GLS: variants seen among roughly 807,000 people sequenced by gnomAD.
The protein encoded by GLS is glutaminase.
Under a neutral mutation model 86.7 loss-of-function variants are expected in GLS, and 36 were observed. That is an observed-to-expected ratio of 0.42 (90% CI 0.32 to 0.55). The LOEUF (loss-of-function observed/expected upper bound fraction) is 0.55, where lower values mean the gene tolerates loss of function less well. Among genes scored for constraint, GLS ranks in the 20% least tolerant of loss-of-function variants. The probability of loss-of-function intolerance (pLI) is 0.17; values close to 1 mark genes in which losing one functional copy is unlikely to be tolerated. For synonymous variants in GLS, 317 were observed against 305.9 expected (o/e 1.04, Z -0.38); for missense variants, 528 against 833.4 (o/e 0.63, Z 4.51).
rs575079629 is a variant in GLS at position 190,906,918 on chromosome 2, A to C, written c.979+1751A>C. On this transcript the variant is annotated intron_variant, in intron 6 of 17. Transcript: ENST00000320717. ...AGACTAATAGGGATATGGTAAATAGAGAAATTGTAGTAGTTTTTTTTTTTT... is the reference window on the plus strand; with the variant it reads ...AGACTAATAGGGATATGGTAAATAGCGAAATTGTAGTAGTTTTTTTTTTTT... 5.5e-4 allele frequency among the ~76,000 whole-genome samples: 83 copies of C among 151,796 alleles called. No homozygotes were observed. In the South Asian group the frequency reaches 0.013, roughly 24 times the overall value.
Position 190,951,322 on chromosome 2 carries a change from T to TGTGAAG in GLS, c.1651-2240_1651-2235dup, listed in dbSNP as rs1690714915. 6.6e-6 allele frequency among the ~76,000 whole-genome samples: 1 copy of TGTGAAG among 152,024 alleles called. No homozygotes were observed. Among genetic ancestry groups the TGTGAAG allele is most frequent in the South Asian group, 2.1e-4 (1 of 4,828 alleles). On this transcript the variant is annotated intron_variant, in intron 14 of 17. Transcript: ENST00000320717. The surrounding 1 kb of genome is among the most constrained non-coding windows in gnomAD (Gnocchi z 4.2). ...AGCGCTGTTTAGAGGTAACAATGAG[T>TGTGAAG]GTGAAGGTAATTTTCAGGGAATTAA...
At position 190,881,381 on chromosome 2, in the gene GLS, C is replaced by T. The variant is rs1688167213; in HGVS notation, c.297C>T (p.Ala99=). The change falls in exon 1 of 18, where the codon GCC becomes GCT. Residue 99 remains alanine (A), a synonymous_variant. Transcript: ENST00000320717. ...HPQPGVSPPA[A]PAAPGPKDGP... is the part of the protein sequence containing the mutation. ...AGCCCGGGGTGTCGCCACCCGCTGC[C>T]CCGGCGGCGCCCGGCCCCAAGGACG... 1 of 1,540,868 alleles carries T rather than the reference C, an allele frequency of 6.5e-7. No homozygotes were observed. The highest frequency in any genetic ancestry group is 8.7e-7 in the Non-Finnish European group (1 of 1,143,158).
Position 190,924,453 on chromosome 2 carries a change from C to A in GLS, c.1198-90C>A. 1 of 749,466 alleles carries A rather than the reference C, an allele frequency of 1.3e-6. No homozygotes were observed. The highest frequency in any genetic ancestry group is 2.4e-6 in the Non-Finnish European group (1 of 412,508). The allele number at this position is 749,466 out of a possible 1,614,324, so 46.4% of individuals were successfully genotyped here. A position where few individuals can be genotyped will look rare whatever the true frequency, so the allele number is the denominator to read the frequency against. ...CTATTTTATTAATTAAAATGAAACACTTGTGTACATTTGAAATTTTTCATA... is the reference window on the plus strand; with the variant it reads ...CTATTTTATTAATTAAAATGAAACAATTGTGTACATTTGAAATTTTTCATA... On this transcript the variant is annotated intron_variant, in intron 10 of 17. Coordinates refer to ENST00000320717, the MANE Select transcript of GLS (RefSeq NM_014905.5). This position sits in a 1 kb window ranked among gnomAD's most constrained non-coding sequence, Gnocchi z 5.2.
Position 190,895,025 on chromosome 2 carries a change from G to T in GLS, c.387-127G>T. Reference sequence around the variant, plus strand: ...ATTTTGGTAAATCAACATTTATTATGACTGTAGTCTTGAGTATATGAGCTC... The same window carrying T: ...ATTTTGGTAAATCAACATTTATTATTACTGTAGTCTTGAGTATATGAGCTC... On this transcript the variant is annotated intron_variant, in intron 1 of 17. Transcript: ENST00000320717. This position sits in a 1 kb window ranked among gnomAD's most constrained non-coding sequence, Gnocchi z 4.2. 1 of 488,748 alleles carries T rather than the reference G, an allele frequency of 2.0e-6. No individual in the cohort carries two copies. The highest frequency in any genetic ancestry group is 3.8e-6 in the Non-Finnish European group (1 of 264,020). The allele number at this position is 488,748 out of a possible 1,614,324, so 30.3% of individuals were successfully genotyped here. A position where few individuals can be genotyped will look rare whatever the true frequency, so the allele number is the denominator to read the frequency against.
chr2:190,895,772 G>A lies in GLS; in HGVS notation c.605+47G>A, dbSNP rs377242790. ...TTAATGGTGATTTGCTATGCTATAC[G>A]GTGATTCTGCTTTTAAAACAAAATT... is the stretch of plus-strand genomic sequence containing the variant. On this transcript the variant is annotated intron_variant, in intron 3 of 17. Coordinates refer to ENST00000320717, the MANE Select transcript of GLS (RefSeq NM_014905.5). This position sits in a 1 kb window ranked among gnomAD's most constrained non-coding sequence, Gnocchi z 4.2. 14 of 1,473,300 alleles carry A rather than the reference G, an allele frequency of 9.5e-6. No individual in the cohort carries two copies. The Middle Eastern group carries it at 5.5e-4, about 58-fold the overall frequency. 91.3% of individuals were successfully genotyped at this position (1,473,300 alleles called of 1,614,324 possible). A position where few individuals can be genotyped will look rare whatever the true frequency, so the allele number is the denominator to read the frequency against.
Position 190,902,042 on chromosome 2 carries a change from A to T in GLS, c.815+16A>T. 1 of 1,496,586 alleles carries T rather than the reference A, an allele frequency of 6.7e-7. No homozygotes were observed. Among genetic ancestry groups the T allele is most frequent in the Non-Finnish European group, 9.3e-7 (1 of 1,073,144 alleles). 92.7% of individuals were successfully genotyped at this position (1,496,586 alleles called of 1,614,324 possible). ...ATGGACAGAGGTAAGTTTATTTCAA[A>T]TTCATGAAAACCAACTCTAAGCCTT... On this transcript the variant is annotated intron_variant, in intron 5 of 17. Coordinates refer to ENST00000320717, the MANE Select transcript of GLS (RefSeq NM_014905.5).
Position 190,913,573 on chromosome 2 carries a change from AAC to A in GLS, c.1038+3254_1038+3255del. 1.0e-6 allele frequency: 1 copy of A among 961,006 alleles called. No homozygotes were observed. The highest frequency in any genetic ancestry group is 1.2e-6 in the Non-Finnish European group (1 of 807,762). 59.5% of individuals were successfully genotyped at this position (961,006 alleles called of 1,614,324 possible). A position where few individuals can be genotyped will look rare whatever the true frequency, so the allele number is the denominator to read the frequency against. ...AAAGAACAAAAATAAATTTGAAAGG[AAC>A]AGTTATTTTTATATGATGTAGCAGT... On this transcript the variant is annotated intron_variant, in intron 7 of 17. Transcript: ENST00000320717. The surrounding 1 kb of genome is among the most constrained non-coding windows in gnomAD (Gnocchi z 6.1).
intron 17 of GLS, among the ~76,000 whole-genome samples, chr2:190,957,088 C>CCTTG (rs1553489364): frequency 9.9e-5 from 15 of 151,814 alleles, no homozygotes; most frequent in Admixed American, 9.9e-4. Flanking sequence ...TATTTGAATA[C>CCTTG]CTTTCTTTCT....
intron 6 of GLS, among the ~76,000 whole-genome samples, chr2:190,908,177 A>G (rs1689228149): frequency 6.6e-6 from 1 of 152,220 alleles, no homozygotes; most frequent in Non-Finnish European, 1.5e-5. Context: ...GTAATGTCAG[A>G]TAATTGAGTT....
intron 1 of GLS, among the ~76,000 whole-genome samples, chr2:190,889,433 G>A (rs151158483): frequency 2.6e-5 from 4 of 152,142 alleles, no homozygotes; most frequent in Admixed American, 2.0e-4. Context: ...AGCCCATTCC[G>A]TTTTCATAGC....
At chr2:190,945,066 G>GTAGA (rs548735108) in intron 14 of GLS, among the ~76,000 whole-genome samples, 923 of 22,794 alleles carry the variant, frequency 0.04, 4 homozygotes, top group Non-Finnish European at 0.079. Context: ...GCTTGACCCA[G>GTAGA]TAGATAGTAG....
intron 6 of GLS, among the ~76,000 whole-genome samples, chr2:190,908,347 A>G (rs759947436): frequency 6.6e-6 from 1 of 152,224 alleles, no homozygotes; most frequent in Non-Finnish European, 1.5e-5. Flanking sequence ...AAACCCTTGT[A>G]AGGTTCATAT....
chr2:190,898,425 A>G (rs909730218), intron 3 of GLS, among the ~76,000 whole-genome samples: 2 of 152,124 alleles, frequency 1.3e-5, no homozygotes, highest in Admixed American at 6.5e-5. Flanking sequence ...AGTTAGACTC[A>G]TGGTATCTAT....
At chr2:190,946,451 G>A (rs1342339424) in intron 14 of GLS, among the ~76,000 whole-genome samples, 3 of 152,194 alleles carry the variant, frequency 2.0e-5, no homozygotes, top group East Asian at 1.9e-4. Flanking sequence ...AATGAGAGCA[G>A]CTTATCTCAA....
chr2:190,891,297 TG>T (rs1192133115), intron 1 of GLS, among the ~76,000 whole-genome samples: 1 of 152,162 alleles, frequency 6.6e-6, no homozygotes, highest in African/African-American at 2.4e-5. Context: ...TTATTGCTAT[TG>T]CTTGGCATAT....
At position 190,921,304 on chromosome 2, in the gene GLS, T is replaced by C. The variant is rs1201929798; in HGVS notation, c.1130+101T>C. The C allele has an allele frequency of 1.5e-5, 13 of 851,894 alleles. 1 individual carries two copies. Among genetic ancestry groups the C allele is most frequent in the Non-Finnish European group, 2.6e-5 (13 of 505,770 alleles). The allele number at this position is 851,894 out of a possible 1,614,324, so 52.8% of individuals were successfully genotyped here. ...GGAGGGAAATGAATGATTTCTAAAT[T>C]ACCTGACAGAAACACTTAAAAATAC... is the stretch of plus-strand genomic sequence containing the variant. On this transcript the variant is annotated intron_variant, in intron 9 of 17. Transcript: ENST00000320717. This position sits in a 1 kb window ranked among gnomAD's most constrained non-coding sequence, Gnocchi z 4.2.
chr2:190,894,954 T>G (rs1688680427), intron 1 of GLS, among the ~76,000 whole-genome samples, 198 bp from the exon 2 acceptor site: 1 of 152,170 alleles, frequency 6.6e-6, no homozygotes, highest in Non-Finnish European at 1.5e-5. Context: ...GTTAATGATT[T>G]TTTTTCTACT....
intron 6 of GLS, among the ~76,000 whole-genome samples, chr2:190,906,656 A>G (rs1689147669): frequency 2.0e-5 from 3 of 152,310 alleles, no homozygotes; most frequent in Middle Eastern, 6.8e-3. Context: ...AGGCTTCACT[A>G]TATTACACCT....
chr2:190,953,948 ATATGTGTGTGTG>A lies in GLS; in HGVS notation c.1712+324_1712+335del, dbSNP rs1251173284. Among the ~76,000 whole-genome samples, 3 of 108,734 alleles carry A rather than the reference ATATGTGTGTGTG, an allele frequency of 2.8e-5. No homozygotes were observed. The highest frequency in any genetic ancestry group is 1.1e-4 in the African/African-American group (3 of 27,488). 71.3% of individuals were successfully genotyped at this position (108,734 alleles called of 152,430 possible). The stretch of plus-strand genomic sequence containing the variant: ...GTCTACCCTCCATTCCCAATCTTTG[ATATGTGTGTGTG>A]TGTGTGTGTGTGTGTGTGTGTGTGT... On this transcript the variant is annotated intron_variant, in intron 15 of 17. Transcript: ENST00000320717. The surrounding 1 kb of genome is among the most constrained non-coding windows in gnomAD (Gnocchi z 4.0).
Sources: allele counts gnomAD v4.1 joint callset (sites outside exome capture counted in the v4.1 genomes callset), GRCh38; gene constraint gnomAD v4.1.1; non-coding constraint Gnocchi (gnomAD v3.1); transcripts MANE v1.5; gene names NCBI Gene and HGNC (gene_info 2026-07-23, HGNC 2026-07-21).